The following DCAF6 variants were observed in gnomAD, a reference collection of about 807,000 sequenced individuals.
The protein encoded by DCAF6 is DDB1 and CUL4 associated factor 6, also known as DDB1- and CUL4-associated factor 6.
In DCAF6, 54 loss-of-function variants were observed where a neutral mutation model predicts 125.1. The observed-to-expected ratio is 0.43, with a 90% CI of 0.35 to 0.54. DCAF6 has a LOEUF of 0.54. Among genes scored for constraint, DCAF6 ranks in the 20% least tolerant of loss-of-function variants. The pLI is 0.01. For synonymous variants in DCAF6, 371 were observed against 390.4 expected (o/e 0.95, Z 0.58); for missense variants, 934 against 1,161.7 (o/e 0.80, Z 2.85).
At chr1:167,996,682 T>C (rs1681754876) in intron 7 of DCAF6, among the ~76,000 whole-genome samples, 1 of 152,214 alleles carries the variant, frequency 6.6e-6, no homozygotes, top group Non-Finnish European at 1.5e-5. Flanking sequence ...TCTTATATTA[T>C]CTGGTCCTAA....
chr1:167,969,782 A>T (rs932329587), intron 3 of DCAF6, among the ~76,000 whole-genome samples: 2 of 152,024 alleles, frequency 1.3e-5, no homozygotes, highest in Non-Finnish European at 2.9e-5. Flanking sequence ...TTTATTTTTT[A>T]TTATTCTTTT....
chr1:167,965,639 C>CT (rs762739889), intron 2 of DCAF6, among the ~76,000 whole-genome samples: 6 of 151,904 alleles, frequency 3.9e-5, no homozygotes, highest in Non-Finnish European at 5.9e-5. Context: ...GAGTTTTTTT[C>CT]TTTTTTGAGA....
At chr1:168,055,330 AGT>A (rs1690508990) in intron 17 of DCAF6, among the ~76,000 whole-genome samples, 1 of 46,522 alleles carries the variant, frequency 2.1e-5, no homozygotes. Context: ...ATCAGGCTTA[AGT>A]TTTTTTTTTT....
chr1:167,882,582 G>GT, the DCAF6 span, among the ~76,000 whole-genome samples: 17 of 152,040 alleles, frequency 1.1e-4, no homozygotes, highest in Admixed American at 7.9e-4. Context: ...AACTGGAGGT[G>GT]TTGACATGGC....
At chr1:167,873,245 T>C in the DCAF6 span, among the ~76,000 whole-genome samples, 1 of 152,152 alleles carries the variant, frequency 6.6e-6, no homozygotes, top group East Asian at 1.9e-4. Context: ...TCCTTCTCTC[T>C]AGCTTCAGGA....
At chr1:167,930,391 A>G in the DCAF6 span, among the ~76,000 whole-genome samples, 1 of 152,198 alleles carries the variant, frequency 6.6e-6, no homozygotes, top group Non-Finnish European at 1.5e-5. Context: ...TACTGTAGGC[A>G]CTCATAAATC....
At chr1:167,875,577 G>T in the DCAF6 span, among the ~76,000 whole-genome samples, 2 of 152,200 alleles carry the variant, frequency 1.3e-5, no homozygotes, top group Admixed American at 1.3e-4. Flanking sequence ...CCTTTTATTG[G>T]AGCACATGCT....
intron 12 of DCAF6, chr1:168,024,192 G>C (rs1213177220): frequency 6.7e-6 from 1 of 150,112 alleles, no homozygotes; most frequent in Non-Finnish European, 1.5e-5. Flanking sequence ...ACTCCAGCCT[G>C]GGTGACAGAG....
At chr1:167,882,420 G>A in the DCAF6 span, among the ~76,000 whole-genome samples, 1 of 147,764 alleles carries the variant, frequency 6.8e-6, no homozygotes. Flanking sequence ...GGGAGGCGGA[G>A]GTTTCAGTGA....
chr1:167,883,215 T>C, the DCAF6 span, among the ~76,000 whole-genome samples: 1 of 152,212 alleles, frequency 6.6e-6, no homozygotes, highest in Non-Finnish European at 1.5e-5. Context: ...TTTTTGCATT[T>C]TTAGTAGAGA....
At chr1:168,002,152 T>A (rs115132069) in intron 7 of DCAF6, among the ~76,000 whole-genome samples, 1 of 152,162 alleles carries the variant, frequency 6.6e-6, no homozygotes, top group African/African-American at 2.4e-5. Flanking sequence ...AAACTAAGGC[T>A]CAAGATGGTT....
chr1:168,054,172 G>C (rs1020428116), intron 17 of DCAF6, among the ~76,000 whole-genome samples: 2 of 152,078 alleles, frequency 1.3e-5, no homozygotes, highest in African/African-American at 4.8e-5. Flanking sequence ...TTCATTTCCT[G>C]TTGCTTATGA....
chr1:167,962,903 C>T (rs7523800), intron 2 of DCAF6, among the ~76,000 whole-genome samples: 16,547 of 151,810 alleles, frequency 0.11, 1,024 homozygotes, highest in African/African-American at 0.16. Flanking sequence ...TTGTAGTAAG[C>T]GGAGATAGCA....
At chr1:167,955,961 A>T (rs1051148835) in intron 2 of DCAF6, among the ~76,000 whole-genome samples, 3 of 152,012 alleles carry the variant, frequency 2.0e-5, no homozygotes, top group African/African-American at 7.3e-5. Flanking sequence ...GGGTCTCATT[A>T]TGTTGCCCGT....
the DCAF6 span, among the ~76,000 whole-genome samples, chr1:167,903,707 G>T: frequency 9.2e-4 from 140 of 152,252 alleles, no homozygotes; most frequent in Non-Finnish European, 1.4e-3. Flanking sequence ...AGTGAGGTTT[G>T]ATTATATTTA....
At chr1:167,949,841 G>A (rs1673648497) in intron 1 of DCAF6, among the ~76,000 whole-genome samples, 1 of 152,086 alleles carries the variant, frequency 6.6e-6, no homozygotes, top group African/African-American at 2.4e-5. Context: ...CTTATTTTGT[G>A]GTGGGTTTTT....
At chr1:167,935,874 A>G (rs1183214154), upstream of DCAF6, 2 of 1,499,108 alleles carry the variant, frequency 1.3e-6, no homozygotes, top group African/African-American at 2.8e-5. Context: ...GCCGGGTGGG[A>G]GCGTGGCTGT....
intron 13 of DCAF6, among the ~76,000 whole-genome samples, chr1:168,039,386 A>G (rs1453801351): frequency 6.6e-6 from 1 of 151,386 alleles, no homozygotes; most frequent in Non-Finnish European, 1.5e-5. Context: ...TAATGGTCAT[A>G]TAGCTTCTCT....
chr1:167,942,512 G>A (rs1404362005), intron 1 of DCAF6, among the ~76,000 whole-genome samples: 2 of 152,142 alleles, frequency 1.3e-5, no homozygotes, highest in African/African-American at 4.8e-5. Context: ...TCCTTAATCA[G>A]ATATGTACTT....
Sources: gnomAD v4.1 joint callset for allele counts (sites outside exome capture counted in the v4.1 genomes callset) on GRCh38, gnomAD v4.1.1 for gene constraint, MANE v1.5 for transcripts, NCBI Gene and HGNC (gene_info 2026-07-23, HGNC 2026-07-21) for gene names.